Variants in CCDC78 observed in about 807,000 individuals in gnomAD.
CCDC78 encodes coiled-coil domain-containing protein 78.
CCDC78 carries 78 observed loss-of-function variants against 61.9 expected under a neutral mutation model. The observed-to-expected ratio is 1.26, with a 90% CI of 1.05 to 1.52. The LOEUF (loss-of-function observed/expected upper bound fraction) is 1.52. CCDC78 is among the 40% of genes most tolerant of loss of function. The pLI is 0.00. For missense variants in CCDC78, 737 were observed against 615.5 expected, an observed-to-expected ratio of 1.20 and a Z score of -2.09; for synonymous variants, 287 against 251.9, an observed-to-expected ratio of 1.14 and a Z score of -1.32.
At position 723,951 on chromosome 16, in the gene CCDC78, G is replaced by A. The variant is rs199979958; in HGVS notation, c.1054-15C>T. ...GGCCCGCCGTGCTACAGAGGTTTGT[G>A]GTGGGGACGTTTCAGTTGGCTGAAC... On this transcript the variant is annotated splice_polypyrimidine_tract_variant and intron_variant, in intron 10 of 13. Coordinates refer to ENST00000345165, the MANE Select transcript of CCDC78 (RefSeq NM_001378030.1). The A allele has an allele frequency of 1.3e-5, 21 of 1,602,852 alleles. No homozygotes were observed. The African/African-American group carries it at 2.0e-4, about 15-fold the overall frequency.
chr16:724,290 T>A (rs199752586), intron 9 of CCDC78, 32 bp downstream of exon 9: 17 of 1,601,748 alleles, frequency 1.1e-5, no homozygotes, highest in Admixed American at 1.7e-5. Context: ...GACCCACAGA[T>A]GCCTGACACC....
At chr16:723,761 G>C (rs1255979520) in intron 11 of CCDC78, 96 bp downstream of exon 11, 6 of 1,119,942 alleles carry the variant, frequency 5.4e-6, no homozygotes, top group Non-Finnish European at 6.6e-6. Context: ...CCTGTCTGGC[G>C]GGGGCTTGGT....
chr16:725,373 T>G, intron 4 of CCDC78, 40 bp downstream of exon 4: 11 of 1,611,988 alleles, frequency 6.8e-6, no homozygotes, highest in Non-Finnish European at 8.5e-6. Flanking sequence ...GGCTTCCCTC[T>G]GGCCTTTCCC....
In CCDC78 at chr16:724,808, T is replaced by C; in HGVS notation, c.640-2A>G. ...CTGGCCTTGGCAGCTGCACAGCACCTGGGGTGGAAGCAGCCCTCCACCTGT... is the reference window on the plus strand; with the variant it reads ...CTGGCCTTGGCAGCTGCACAGCACCCGGGGTGGAAGCAGCCCTCCACCTGT... On this transcript the variant is annotated splice_acceptor_variant, in intron 7 of 13. Coordinates refer to ENST00000345165, the MANE Select transcript of CCDC78 (RefSeq NM_001378030.1). LOFTEE classifies it high-confidence loss of function. 6.2e-7 allele frequency: 1 copy of C among 1,611,996 alleles called. No homozygotes were observed. Among genetic ancestry groups the C allele is most frequent in the East Asian group, 2.2e-5 (1 of 44,864 alleles).
In CCDC78 at chr16:724,731, G is replaced by T; in HGVS notation, c.715C>A (p.Leu239Met). Residue 239 changes from leucine to methionine, a missense_variant, in exon 8 of 14, where the codon CTG becomes ATG. By Grantham distance (15) the Leu-to-Met change is conservative. Coordinates refer to ENST00000345165, the MANE Select transcript of CCDC78 (RefSeq NM_001378030.1). Reference sequence around the variant, plus strand: ...AGCCGTAGGACGTACTCATCCTTCAGTTTCTTGAGCTGCAGCTGCAGCCGG... The same window carrying T: ...AGCCGTAGGACGTACTCATCCTTCATTTTCTTGAGCTGCAGCTGCAGCCGG... ...NARLQLQLKK[L>M]KDEYVLRLQH... The T allele has an allele frequency of 6.2e-7, 1 of 1,612,324 alleles. No individual in the cohort carries two copies. Among genetic ancestry groups the T allele is most frequent in the Non-Finnish European group, 8.5e-7 (1 of 1,179,870 alleles).
intron 6 of CCDC78, 29 bp from the exon 7 acceptor site, chr16:725,018 G>A (rs763896770): frequency 6.2e-7 from 1 of 1,612,388 alleles, no homozygotes; most frequent in South Asian, 1.1e-5. Context: ...GGCTCAGCAG[G>A]CCCACGATCA....
rs1461840332 is a variant in CCDC78 at position 726,102 on chromosome 16, A to AC, written c.61-18dup. 6.5e-7 allele frequency: 1 copy of AC among 1,549,050 alleles called. No individual in the cohort carries two copies. Among genetic ancestry groups the AC allele is most frequent in the Admixed American group, 2.0e-5 (1 of 50,794 alleles). ...TAGCACAACCTGGGGAGGTACCGCC[A>AC]CCCATTCCCCAGGTGGGTCCCAGGC... On this transcript the variant is annotated splice_polypyrimidine_tract_variant and intron_variant, in intron 1 of 13. Coordinates refer to ENST00000345165, the MANE Select transcript of CCDC78 (RefSeq NM_001378030.1).
chr16:726,165 G>A (rs549160711), intron 1 of CCDC78, 80 bp from the exon 2 acceptor site: 121 of 1,550,146 alleles, frequency 7.8e-5, no homozygotes, highest in Admixed American at 3.9e-4. Flanking sequence ...CACCAGTCCC[G>A]CCTCCCTGCC....
intron 11 of CCDC78, chr16:723,479 C>T (rs1450165397): frequency 1.5e-6 from 1 of 679,616 alleles, no homozygotes; most frequent in Non-Finnish European, 2.7e-6. Context: ...AGGAAATGGT[C>T]CTTGGGGAGC....
chr16:723,602 C>T (rs1279980172), intron 11 of CCDC78: 1 of 690,910 alleles, frequency 1.4e-6, no homozygotes, highest in East Asian at 2.8e-5. Flanking sequence ...AAACCTCCCT[C>T]AGGTGTGCTC....
intron 10 of CCDC78, 73 bp downstream of exon 10, chr16:724,033 C>T (rs1351970366): frequency 1.2e-5 from 14 of 1,186,768 alleles, no homozygotes; most frequent in Non-Finnish European, 1.7e-5. Flanking sequence ...AGGATGAGGC[C>T]TGGGGCCAGT....
rs2040886987 is a variant in CCDC78 at position 725,987 on chromosome 16, G to A, written c.159C>T (p.Leu53=). ...CCACCTGCAGCTGCTGCTCCTTATT[G>A]AGCGCTAGATCTGGTGGGACCTCTG... ...LEAEVPPDLA[L]NKEQQLQISK... is the part of the protein sequence containing the mutation. The change falls in exon 2 of 14, where the codon CTC becomes CTT. Residue 53 remains leucine, a synonymous_variant. Coordinates refer to ENST00000345165, the MANE Select transcript of CCDC78 (RefSeq NM_001378030.1). 1 of 1,551,796 alleles carries A rather than the reference G, an allele frequency of 6.4e-7. No homozygotes were observed. Among genetic ancestry groups the A allele is most frequent in the Non-Finnish European group, 8.7e-7 (1 of 1,147,958 alleles).
In CCDC78 at chr16:726,083, A is replaced by C. The variant is rs1335583784; in HGVS notation, c.63T>G (p.Val21=). Residue 21 remains valine (V), a splice_region_variant and synonymous_variant, in exon 2 of 14, where the codon GTT becomes GTG. Coordinates refer to ENST00000345165, the MANE Select transcript of CCDC78 (RefSeq NM_001378030.1). ...GCAGCCAGTCCTTGGCTCGTAGCACAACCTGGGGAGGTACCGCCACCCATT... is the reference window on the plus strand; with the variant it reads ...GCAGCCAGTCCTTGGCTCGTAGCACCACCTGGGGAGGTACCGCCACCCATT... ...PGPPSRRVEN[V]VLRAKDWLPG... The C allele has an allele frequency of 7.1e-6, 11 of 1,548,736 alleles. No homozygotes were observed. The highest frequency in any genetic ancestry group is 7.0e-6 in the Non-Finnish European group (8 of 1,146,642).
chr16:724,799 C>T lies in CCDC78; in HGVS notation c.647G>A (p.Cys216Tyr), dbSNP rs1225986762. The change falls in exon 8 of 14, where the codon TGC becomes TAC. Residue 216 changes from cysteine to tyrosine, a missense_variant. Coordinates refer to ENST00000345165, the MANE Select transcript of CCDC78 (RefSeq NM_001378030.1). ...QRLATQAVVL[C>Y]SCQGQLRQAE... is the part of the protein sequence containing the mutation. ...CTGACGGAGCTGGCCTTGGCAGCTG[C>T]ACAGCACCTGGGGTGGAAGCAGCCC... 1.2e-6 allele frequency: 2 copies of T among 1,612,130 alleles called. No individual in the cohort carries two copies. Among genetic ancestry groups the T allele is most frequent in the South Asian group, 1.1e-5 (1 of 90,962 alleles).
At position 723,030 on chromosome 16, in the gene CCDC78, G is replaced by A; in HGVS notation, c.1201-8C>T. ...CTCCCGTTCCAGCTCTGCCTGGCAT[G>A]GGGATGTAAGCCATGAGCTGGGGCA... On this transcript the variant is annotated splice_polypyrimidine_tract_variant and splice_region_variant and intron_variant, in intron 12 of 13. Coordinates refer to ENST00000345165, the MANE Select transcript of CCDC78 (RefSeq NM_001378030.1). 1.2e-6 allele frequency: 2 copies of A among 1,612,594 alleles called. No individual in the cohort carries two copies. Among genetic ancestry groups the A allele is most frequent in the Non-Finnish European group, 1.7e-6 (2 of 1,179,992 alleles).
intron 5 of CCDC78, 31 bp downstream of exon 5, chr16:725,206 T>C: frequency 1.9e-6 from 3 of 1,610,636 alleles, no homozygotes; most frequent in Non-Finnish European, 2.5e-6. Flanking sequence ...GGTGCTGCCC[T>C]CTCCCCTGAG....
Position 725,791 on chromosome 16 carries a change from C to T in CCDC78, c.267+3G>A, listed in dbSNP as rs749827376. The T allele has an allele frequency of 4.3e-5, 69 of 1,604,028 alleles. No homozygotes were observed. Among genetic ancestry groups the T allele is most frequent in the African/African-American group, 8.0e-5 (6 of 74,822 alleles). On this transcript the variant is annotated splice_donor_region_variant and intron_variant, in intron 3 of 13. Coordinates refer to ENST00000345165, the MANE Select transcript of CCDC78 (RefSeq NM_001378030.1). ...ACTGAGGCTGGTTCACACGGCTGCT[C>T]ACCTCACTCTTCAGCTGGAAGATTT... is the stretch of plus-strand genomic sequence containing the variant.
At position 724,212 on chromosome 16, in the gene CCDC78, G is replaced by C; in HGVS notation, c.954-7C>G. On this transcript the variant is annotated splice_polypyrimidine_tract_variant and splice_region_variant and intron_variant, in intron 9 of 13. Transcript: ENST00000345165. ...TTGGGGGTTCCCAGGTGCCCTGTCAGGGTAGGCTAGTGTCTGTCTGGGGCC... is the reference window on the plus strand; with the variant it reads ...TTGGGGGTTCCCAGGTGCCCTGTCACGGTAGGCTAGTGTCTGTCTGGGGCC... 1 of 1,590,652 alleles carries C rather than the reference G, an allele frequency of 6.3e-7. No homozygotes were observed. The highest frequency in any genetic ancestry group is 2.2e-5 in the East Asian group (1 of 44,644).
chr16:725,023 C>A (rs372009648), intron 6 of CCDC78, 34 bp from the exon 7 acceptor site: 3 of 1,612,298 alleles, frequency 1.9e-6, no homozygotes, highest in Non-Finnish European at 2.5e-6. Context: ...AGCAGGCCCA[C>A]GATCAGGGGT....
Sources: gnomAD v4.1 joint callset for allele counts on GRCh38, gnomAD v4.1.1 for gene constraint, MANE v1.5 for transcripts, NCBI Gene and HGNC (gene_info 2026-07-23, HGNC 2026-07-21) for gene names.